Variants in MFSD6 observed in about 807,000 individuals in gnomAD.
MFSD6 encodes major facilitator superfamily domain-containing protein 6.
A neutral mutation model predicts 56.3 loss-of-function variants in MFSD6; 26 were observed. That is an observed-to-expected ratio of 0.46 (90% CI 0.34 to 0.64). The LOEUF (loss-of-function observed/expected upper bound fraction) is 0.64. Ranked by LOEUF, MFSD6 falls within the 30% of genes least tolerant of loss-of-function variation. The probability of loss-of-function intolerance (pLI) is 0.01; values close to 1 mark genes in which losing one functional copy is unlikely to be tolerated. For missense variants in MFSD6, 750 were observed against 986.2 expected (o/e 0.76, Z 3.21); for synonymous variants, 331 against 366.9 (o/e 0.90, Z 1.12).
At chr2:190,486,806 G>T (rs893748403) in intron 4 of MFSD6, among the ~76,000 whole-genome samples, 1 of 152,194 alleles carries the variant, frequency 6.6e-6, no homozygotes, top group Non-Finnish European at 1.5e-5. Flanking sequence ...TCAGGGGATG[G>T]AACCAGATGA....
chr2:190,465,075 C>A lies in MFSD6; in HGVS notation c.1533-4683C>A. ...TACCAGTTTTATTATAAGATAACCA[C>A]AAATCAGCTTAAACTGCTAATACTG... On this transcript the variant is annotated intron_variant, in intron 3 of 7. Coordinates refer to ENST00000392328, the MANE Select transcript of MFSD6 (RefSeq NM_017694.4). The surrounding 1 kb of genome is among the most constrained non-coding windows in gnomAD (Gnocchi z 4.6). The A allele has an allele frequency of 4.2e-6, 1 of 239,260 alleles. No individual in the cohort carries two copies. Among genetic ancestry groups the A allele is most frequent in the Non-Finnish European group, 6.8e-6 (1 of 147,338 alleles). 14.8% of individuals were successfully genotyped at this position (239,260 alleles called of 1,614,324 possible). A position where few individuals can be genotyped will look rare whatever the true frequency, so the allele number is the denominator to read the frequency against.
rs1397758162 is a variant in MFSD6, at chr2:190,490,894, A to G, written c.1891+1028A>G. On this transcript the variant is annotated intron_variant, in intron 6 of 7. Coordinates refer to ENST00000392328, the MANE Select transcript of MFSD6 (RefSeq NM_017694.4). This position sits in a 1 kb window ranked among gnomAD's most constrained non-coding sequence, Gnocchi z 4.5. ...GCCTCAGAGACAGATTTTAATCTCA[A>G]TGAGTTACTCAGAAAGAGCAATACT... Among the ~76,000 whole-genome samples, 4 of 152,210 alleles carry G rather than the reference A, an allele frequency of 2.6e-5. No homozygotes were observed. The highest frequency in any genetic ancestry group is 1.9e-4 in the East Asian group (1 of 5,194).
chr2:190,488,716 C>G lies in MFSD6; in HGVS notation c.1690C>G (p.Pro564Ala), dbSNP rs201520851. ...TTCTTACCTCAGTGCAGCCGTTCCC[C>G]CTGAGCTGAGGACATCTGCTCAGGG... ...CISYLSAAVPPELRTSAQGIL... is the reference protein window; with the variant it reads ...CISYLSAAVPAELRTSAQGIL... The change falls in exon 5 of 8, where the codon CCT (proline) becomes GCT (alanine). Residue 564 changes from proline (P) to alanine (A), a missense_variant. Physicochemically the swap from Pro to Ala is conservative, Grantham distance 27 (BLOSUM62 -1). Transcript: ENST00000392328. This position sits in a 1 kb window ranked among gnomAD's most constrained non-coding sequence, Gnocchi z 6.4. The G allele has an allele frequency of 2.6e-5, 42 of 1,608,302 alleles. No homozygotes were observed. In the East Asian group the frequency reaches 7.4e-4, roughly 28 times the overall value.
chr2:190,487,673 G>A lies in MFSD6; in HGVS notation c.1631-984G>A, dbSNP rs1185077952. Among the ~76,000 whole-genome samples the A allele has an allele frequency of 6.6e-6, 1 of 152,038 alleles. No individual in the cohort carries two copies. The highest frequency in any genetic ancestry group is 1.5e-5 in the Non-Finnish European group (1 of 68,006). On this transcript the variant is annotated intron_variant, in intron 4 of 7. Transcript: ENST00000392328. This position sits in a 1 kb window ranked among gnomAD's most constrained non-coding sequence, Gnocchi z 5.5. ...GTGCTCGACATCACTAGCTATTAGG[G>A]GAAAGCAAATCAACAACATGAGAAA...
At chr2:190,452,422 C>T (rs1406318326) in intron 3 of MFSD6, among the ~76,000 whole-genome samples, 3 of 151,906 alleles carry the variant, frequency 2.0e-5, no homozygotes, top group African/African-American at 7.3e-5. Context: ...TCCTATAAGC[C>T]CTATTTAATC....
intron 3 of MFSD6, among the ~76,000 whole-genome samples, chr2:190,445,965 G>C (rs546602309): frequency 2.6e-5 from 4 of 152,200 alleles, no homozygotes; most frequent in African/African-American, 9.6e-5. Context: ...GATATAGCCT[G>C]TATTAAACTC....
chr2:190,428,847 A>C (rs1026563796), intron 2 of MFSD6, among the ~76,000 whole-genome samples: 17 of 151,670 alleles, frequency 1.1e-4, no homozygotes, highest in African/African-American at 3.6e-4. Context: ...TAATTTTTTT[A>C]GTTTTAATAG....
At chr2:190,411,269 C>T (rs1265175977) in intron 1 of MFSD6, 1 of 463,356 alleles carries the variant, frequency 2.2e-6, no homozygotes, top group Admixed American at 6.5e-5. Context: ...AAACTATTCT[C>T]CTGCCTCAGC....
At position 190,467,509 on chromosome 2, in the gene MFSD6, A is replaced by G. The variant is rs1341141657; in HGVS notation, c.1533-2249A>G. ...ATTCCTGTAATCCCAGCTAGTCAGG[A>G]GGCTGAGGCGGGAGAATTGCTTGAA... On this transcript the variant is annotated intron_variant, in intron 3 of 7. Transcript: ENST00000392328. The surrounding 1 kb of genome is among the most constrained non-coding windows in gnomAD (Gnocchi z 5.5). 6.6e-6 allele frequency among the ~76,000 whole-genome samples: 1 copy of G among 152,168 alleles called. No individual in the cohort carries two copies.
At chr2:190,474,599 A>T (rs1358530492) in intron 4 of MFSD6, among the ~76,000 whole-genome samples, 1 of 152,224 alleles carries the variant, frequency 6.6e-6, no homozygotes, top group Admixed American at 6.5e-5. Context: ...AAAAAAGTCC[A>T]GGACCAGATG....
chr2:190,438,079 A>G lies in MFSD6; in HGVS notation c.1532+518A>G, dbSNP rs774738423. 1.6e-4 allele frequency among the ~76,000 whole-genome samples: 25 copies of G among 152,142 alleles called. No homozygotes were observed. Among genetic ancestry groups the G allele is most frequent in the Non-Finnish European group, 7.3e-5 (5 of 68,028 alleles). Reference sequence around the variant, plus strand: ...ACCCACCGTAATCCCTAATTCCATGATATTACATGGATGAGGTTCTTAAGT... The same window carrying G: ...ACCCACCGTAATCCCTAATTCCATGGTATTACATGGATGAGGTTCTTAAGT... On this transcript the variant is annotated intron_variant, in intron 3 of 7. Coordinates refer to ENST00000392328, the MANE Select transcript of MFSD6 (RefSeq NM_017694.4). This position sits in a 1 kb window ranked among gnomAD's most constrained non-coding sequence, Gnocchi z 5.2.
intron 3 of MFSD6, among the ~76,000 whole-genome samples, chr2:190,442,309 T>C (rs1001548245): frequency 7.2e-5 from 11 of 152,070 alleles, no homozygotes; most frequent in African/African-American, 2.2e-4. Context: ...CTCAGATTAG[T>C]AAGATGCAGG....
chr2:190,464,183 G>T (rs1344090564), intron 3 of MFSD6, among the ~76,000 whole-genome samples: 1 of 152,202 alleles, frequency 6.6e-6, no homozygotes, highest in Non-Finnish European at 1.5e-5. Context: ...ACAAACTGTA[G>T]ACAAGTGTCA....
At chr2:190,493,806 A>G (rs1689505324) in intron 6 of MFSD6, among the ~76,000 whole-genome samples, 1 of 152,104 alleles carries the variant, frequency 6.6e-6, no homozygotes, top group African/African-American at 2.4e-5. Context: ...GAAATTTAAA[A>G]TTGAACTGAA....
chr2:190,494,904 G>C lies in MFSD6; in HGVS notation c.1892-2535G>C, dbSNP rs1198778129. Among the ~76,000 whole-genome samples the C allele has an allele frequency of 6.6e-6, 1 of 152,022 alleles. No homozygotes were observed. The highest frequency in any genetic ancestry group is 2.4e-5 in the African/African-American group (1 of 41,384). ...CCACAGCCAACATAATACTGAACAGGGAGAAGTTGGAAGCATTCCCTCTGA... is the reference window on the plus strand; with the variant it reads ...CCACAGCCAACATAATACTGAACAGCGAGAAGTTGGAAGCATTCCCTCTGA... On this transcript the variant is annotated intron_variant, in intron 6 of 7. Coordinates refer to ENST00000392328, the MANE Select transcript of MFSD6 (RefSeq NM_017694.4). This position sits in a 1 kb window ranked among gnomAD's most constrained non-coding sequence, Gnocchi z 5.7.
chr2:190,428,167 C>T (rs1401421049), intron 2 of MFSD6, among the ~76,000 whole-genome samples: 1 of 152,182 alleles, frequency 6.6e-6, no homozygotes, highest in Non-Finnish European at 1.5e-5. Flanking sequence ...ATCCTTGTCA[C>T]TGCATGTAGT....
Position 190,416,102 on chromosome 2 carries a change from T to C in MFSD6, c.-54+689T>C, listed in dbSNP as rs956403572. ...TATAAATTATGCTATATTGGCACAA[T>C]ATTTAATCAGGAGTCTAAAACTAAT... On this transcript the variant is annotated intron_variant, in intron 2 of 7. Transcript: ENST00000392328. This position sits in a 1 kb window ranked among gnomAD's most constrained non-coding sequence, Gnocchi z 4.1. Among the ~76,000 whole-genome samples the C allele has an allele frequency of 2.6e-5, 4 of 152,208 alleles. No homozygotes were observed. The highest frequency in any genetic ancestry group is 5.9e-5 in the Non-Finnish European group (4 of 68,040).
At position 190,462,595 on chromosome 2, in the gene MFSD6, C is replaced by G. The variant is rs1266820552; in HGVS notation, c.1533-7163C>G. Among the ~76,000 whole-genome samples the G allele has an allele frequency of 6.6e-6, 1 of 152,098 alleles. No homozygotes were observed. The highest frequency in any genetic ancestry group is 1.5e-5 in the Non-Finnish European group (1 of 68,018). On this transcript the variant is annotated intron_variant, in intron 3 of 7. Transcript: ENST00000392328. This position sits in a 1 kb window ranked among gnomAD's most constrained non-coding sequence, Gnocchi z 5.7. ...TCCCAGGGTCTCAGTCTTCAGTGTG[C>G]AACAGACTGTGATGAGTCCTCTAAT...
At chr2:190,429,218 C>A (rs1672146321) in intron 2 of MFSD6, among the ~76,000 whole-genome samples, 2 of 132,778 alleles carry the variant, frequency 1.5e-5, no homozygotes, top group African/African-American at 3.0e-5. Context: ...CTGTATAATT[C>A]TTTTGTTACG....
Sources: allele counts gnomAD v4.1 joint callset (sites outside exome capture counted in the v4.1 genomes callset), GRCh38; gene constraint gnomAD v4.1.1; non-coding constraint Gnocchi (gnomAD v3.1); transcripts MANE v1.5; gene names NCBI Gene and HGNC (gene_info 2026-07-23, HGNC 2026-07-21).